Variants in CDCA4 observed in about 807,000 individuals in gnomAD.
CDCA4 encodes the protein cell division cycle associated 4.
For synonymous variants in CDCA4, 130 were observed against 137.0 expected (o/e 0.95, Z 0.36); for missense variants, 294 against 322.1 (o/e 0.91, Z 0.67).
At chr14:105,019,775 G>A (rs532077932) in intron 1 of CDCA4, among the ~76,000 whole-genome samples, 1 of 134,562 alleles carries the variant, frequency 7.4e-6, no homozygotes, top group African/African-American at 3.7e-5. Context: ...GCAATGGCAC[G>A]ATCTCGGCTG....
Position 105,010,945 on chromosome 14 carries a change from C to T in CDCA4, c.*259G>A, listed in dbSNP as rs572311132. On this transcript the variant is annotated 3_prime_UTR_variant, in exon 2 of 2. Coordinates refer to ENST00000336219, the MANE Select transcript of CDCA4 (RefSeq NM_017955.4). ...CTCTACAGTGGGGGACACAAAGAGA[C>T]ACGAGGGGCCCAGGGCTGTGGGGAC... 5.7e-6 allele frequency: 3 copies of T among 528,762 alleles called. No homozygotes were observed. The highest frequency in any genetic ancestry group is 6.2e-5 in the East Asian group (2 of 32,316). The allele number at this position is 528,762 out of a possible 1,614,324, so 32.8% of individuals were successfully genotyped here.
chr14:105,018,854 A>C (rs1327183445), intron 1 of CDCA4, among the ~76,000 whole-genome samples: 4 of 151,792 alleles, frequency 2.6e-5, no homozygotes, highest in Admixed American at 2.0e-4. Flanking sequence ...CTCCTACCTC[A>C]GCCTCCCGAG....
In CDCA4 at chr14:105,010,950, G is replaced by C; in HGVS notation, c.*254C>G. 1 of 529,422 alleles carries C rather than the reference G, an allele frequency of 1.9e-6. No homozygotes were observed. Among genetic ancestry groups the C allele is most frequent in the Non-Finnish European group, 3.3e-6 (1 of 300,984 alleles). The allele number at this position is 529,422 out of a possible 1,614,324, so 32.8% of individuals were successfully genotyped here. On this transcript the variant is annotated 3_prime_UTR_variant, in exon 2 of 2. Transcript: ENST00000336219. ...CAGTGGGGGACACAAAGAGACACGA[G>C]GGGCCCAGGGCTGTGGGGACGTCAG...
At chr14:105,020,512 G>A (rs1054788718) in intron 1 of CDCA4, among the ~76,000 whole-genome samples, 2 of 152,246 alleles carry the variant, frequency 1.3e-5, no homozygotes, top group African/African-American at 2.4e-5. Context: ...GGAGCCCAGG[G>A]AAGACGGCGC....
rs2140907546 is a variant in CDCA4 at position 105,011,166 on chromosome 14, A to G, written c.*38T>C. On this transcript the variant is annotated 3_prime_UTR_variant, in exon 2 of 2. Transcript: ENST00000336219. ...CGTGGGAGCCAGTGCTCACGTGTCA[A>G]TGCGTCAGAGGCGGCTGTGAGCACT... 1.3e-6 allele frequency: 2 copies of G among 1,563,220 alleles called. No individual in the cohort carries two copies. Among genetic ancestry groups the G allele is most frequent in the African/African-American group, 2.7e-5 (2 of 73,848 alleles).
chr14:105,019,287 G>A (rs1886161276), intron 1 of CDCA4, among the ~76,000 whole-genome samples: 1 of 152,210 alleles, frequency 6.6e-6, no homozygotes, highest in Admixed American at 6.5e-5. Flanking sequence ...CGAGGCAGAG[G>A]CCAGCAGGGA....
chr14:105,015,460 G>A (rs57117544), intron 1 of CDCA4, among the ~76,000 whole-genome samples: 2,886 of 40,004 alleles, frequency 0.072, 99 homozygotes, highest in African/African-American at 0.12. Flanking sequence ...CTTCAGTAAC[G>A]GGCCAGGAAG....
intron 1 of CDCA4, among the ~76,000 whole-genome samples, chr14:105,012,653 C>T (rs1035135628): frequency 5.3e-5 from 8 of 152,194 alleles, no homozygotes; most frequent in African/African-American, 9.7e-5. Context: ...GTCTCCTGGC[C>T]GAGCCTATGT....
intron 1 of CDCA4, among the ~76,000 whole-genome samples, chr14:105,020,605 G>A (rs1886206305): frequency 1.3e-5 from 2 of 152,196 alleles, no homozygotes; most frequent in Admixed American, 6.5e-5. Flanking sequence ...GGGCTGCGGC[G>A]CGCCTGGCGT....
Position 105,011,308 on chromosome 14 carries a change from C to T in CDCA4, c.622G>A (p.Glu208Lys), listed in dbSNP as rs745698339. 1.8e-5 allele frequency: 29 copies of T among 1,614,000 alleles called. No individual in the cohort carries two copies. Among genetic ancestry groups the T allele is most frequent in the South Asian group, 1.4e-4 (13 of 91,082 alleles). Residue 208 changes from glutamate to lysine, a missense_variant, in exon 2 of 2, where the codon GAA becomes AAA. Coordinates refer to ENST00000336219, the MANE Select transcript of CDCA4 (RefSeq NM_017955.4). Reference sequence around the variant, plus strand: ...GCCGGAGCCAAGCCCTCGAGCCCTTCGCAGGGGCCCGGCCTGGCACCCCCC... The same window carrying T: ...GCCGGAGCCAAGCCCTCGAGCCCTTTGCAGGGGCCCGGCCTGGCACCCCCC... ...MMGGARPGPC[E>K]GLEGLAPATP... is the part of the protein sequence containing the mutation.
intron 1 of CDCA4, among the ~76,000 whole-genome samples, chr14:105,019,717 T>G (rs1344431702): frequency 6.6e-6 from 1 of 151,914 alleles, no homozygotes; most frequent in Non-Finnish European, 1.5e-5. Flanking sequence ...GTATTTGGTT[T>G]TTTTTGTTTT....
chr14:105,020,098 C>T (rs889050445), intron 1 of CDCA4, among the ~76,000 whole-genome samples: 4 of 152,174 alleles, frequency 2.6e-5, no homozygotes, highest in African/African-American at 9.7e-5. Context: ...GGGAAACTTC[C>T]TAGCCCCTTT....
At chr14:105,015,657 T>C (rs1488520476) in intron 1 of CDCA4, among the ~76,000 whole-genome samples, 1 of 152,224 alleles carries the variant, frequency 6.6e-6, no homozygotes, top group African/African-American at 2.4e-5. Flanking sequence ...AAACATGTTC[T>C]AGGCCATCTC....
intron 1 of CDCA4, among the ~76,000 whole-genome samples, chr14:105,013,282 CTT>C (rs1419804015): frequency 1.3e-5 from 2 of 151,996 alleles, no homozygotes; most frequent in African/African-American, 4.8e-5. Context: ...TGGGCTCTGG[CTT>C]TTGACAGATG....
chr14:105,019,244 C>CA (rs1310285666), intron 1 of CDCA4, among the ~76,000 whole-genome samples: 1 of 152,216 alleles, frequency 6.6e-6, no homozygotes, highest in Non-Finnish European at 1.5e-5. Flanking sequence ...GAACAGCCAA[C>CA]AGGCCACTAG....
chr14:105,013,341 T>C (rs995554438), intron 1 of CDCA4, among the ~76,000 whole-genome samples: 4 of 152,220 alleles, frequency 2.6e-5, no homozygotes, highest in African/African-American at 9.6e-5. Flanking sequence ...GGATGACAGC[T>C]GGCTCAGGGC....
At position 105,011,715 on chromosome 14, in the gene CDCA4, T is replaced by A. The variant is rs779530340; in HGVS notation, c.215A>T (p.Glu72Val). The change falls in exon 2 of 2, where the codon GAG becomes GTG. Residue 72 changes from glutamate to valine, a missense_variant. Physicochemically the swap from Glu to Val is moderately radical, Grantham distance 121. Transcript: ENST00000336219. ...IANTVRQIQE[E>V]MTQDGTWRTV... Reference sequence around the variant, plus strand: ...GCGCCACGTCCCATCCTGCGTCATCTCCTCTTGGATCTGCCGGACCGTGTT... The same window carrying A: ...GCGCCACGTCCCATCCTGCGTCATCACCTCTTGGATCTGCCGGACCGTGTT... 3 of 1,613,614 alleles carry A rather than the reference T, an allele frequency of 1.9e-6. No individual in the cohort carries two copies. The highest frequency in any genetic ancestry group is 1.7e-5 in the Admixed American group (1 of 60,006).
chr14:105,013,162 G>T (rs1334349274), intron 1 of CDCA4, among the ~76,000 whole-genome samples: 1 of 152,156 alleles, frequency 6.6e-6, no homozygotes, highest in Non-Finnish European at 1.5e-5. Flanking sequence ...ATGGACATTG[G>T]CCATGTCTAC....
At chr14:105,019,466 C>T (rs1886169237) in intron 1 of CDCA4, among the ~76,000 whole-genome samples, 1 of 152,264 alleles carries the variant, frequency 6.6e-6, no homozygotes, top group South Asian at 2.1e-4. Flanking sequence ...ACAGACTCAA[C>T]TCTGACCTAA....
Sources: allele counts gnomAD v4.1 joint callset (sites outside exome capture counted in the v4.1 genomes callset), GRCh38; gene constraint gnomAD v4.1.1; transcripts MANE v1.5; gene names NCBI Gene and HGNC (gene_info 2026-07-23, HGNC 2026-07-21).